Variants in DOCK8 observed in about 807,000 individuals in gnomAD.
The protein encoded by DOCK8 is dedicator of cytokinesis protein 8.
A neutral mutation model predicts 245.6 loss-of-function variants in DOCK8; 141 were observed. That is an observed-to-expected ratio of 0.57 (90% confidence interval 0.50 to 0.66). The LOEUF is 0.66. DOCK8 is among the 30% of genes least tolerant of loss of function. DOCK8 has a pLI of 0.00. For missense variants in DOCK8, 2,965 were observed against 2,603.4 expected (o/e 1.14, Z -3.02); for synonymous variants, 1,168 against 970.2 (o/e 1.20, Z -3.79).
chr9:459,147 T>A (rs2057730341), intron 46 of DOCK8, among the ~76,000 whole-genome samples: 1 of 152,340 alleles, frequency 6.6e-6, no homozygotes, highest in Non-Finnish European at 1.5e-5. Context: ...GTGGACCTAT[T>A]GAGAATGTTA....
intron 1 of DOCK8, among the ~76,000 whole-genome samples, chr9:218,882 G>A (rs540814461): frequency 1.7e-4 from 26 of 152,220 alleles, no homozygotes; most frequent in African/African-American, 5.8e-4. Flanking sequence ...TTTACATATC[G>A]TAACTCATTC....
chr9:445,133 A>T (rs1369275038), intron 43 of DOCK8, among the ~76,000 whole-genome samples: 1 of 152,212 alleles, frequency 6.6e-6, no homozygotes, highest in Non-Finnish European at 1.5e-5. Flanking sequence ...GAGTTTAACT[A>T]ATCTTCAGAC....
At chr9:395,589 C>A (rs980816827) in intron 24 of DOCK8, among the ~76,000 whole-genome samples, 2 of 151,828 alleles carry the variant, frequency 1.3e-5, no homozygotes, top group Non-Finnish European at 2.9e-5. Flanking sequence ...TCTGACTAAT[C>A]TAGACGCATA....
rs1320688451 is a variant in DOCK8, at chr9:403,956, A to G, written c.3235-962A>G. Among the ~76,000 whole-genome samples the G allele has an allele frequency of 2.2e-3, 171 of 78,592 alleles. 4 individuals are homozygous for G. Among genetic ancestry groups the G allele is most frequent in the African/African-American group, 0.013 (157 of 12,360 alleles). 51.6% of individuals were successfully genotyped at this position (78,592 alleles called of 152,430 possible). A position where few individuals can be genotyped will look rare whatever the true frequency, so the allele number is the denominator to read the frequency against. Reference sequence around the variant, plus strand: ...TGTATATATATATGTGTATATATATATATGTATATATATATATATGTGTAT... The same window carrying G: ...TGTATATATATATGTGTATATATATGTATGTATATATATATATATGTGTAT... On this transcript the variant is annotated intron_variant, in intron 26 of 47. Transcript: ENST00000432829.
chr9:403,967 T>TATATATAC (rs1373067256), intron 26 of DOCK8, among the ~76,000 whole-genome samples: 22 of 91,120 alleles, frequency 2.4e-4, no homozygotes, highest in African/African-American at 1.4e-3. Context: ...TATGTATATA[T>TATATATAC]ATATATATGT....
In DOCK8 at chr9:407,507, T is replaced by C. The variant is rs969574223; in HGVS notation, c.3530+438T>C. 2.6e-5 allele frequency among the ~76,000 whole-genome samples: 4 copies of C among 152,334 alleles called. No homozygotes were observed. In the East Asian group the frequency reaches 5.8e-4, roughly 22 times the overall value. On this transcript the variant is annotated intron_variant, in intron 28 of 47. Transcript: ENST00000432829. Reference sequence around the variant, plus strand: ...AGCTGTCCCATGCCCAGATTAGGTTTCTTGCAGACAGTGCTTCTCAGGCCA... The same window carrying C: ...AGCTGTCCCATGCCCAGATTAGGTTCCTTGCAGACAGTGCTTCTCAGGCCA...
rs1259539191 is a variant in DOCK8, at chr9:409,378, C to T, written c.3530+2309C>T. Among the ~76,000 whole-genome samples, 4 of 152,172 alleles carry T rather than the reference C, an allele frequency of 2.6e-5. No individual in the cohort carries two copies. In the East Asian group the frequency reaches 7.7e-4, roughly 29 times the overall value. On this transcript the variant is annotated intron_variant, in intron 28 of 47. Transcript: ENST00000432829. ...TTGCAATGCCTAATTCAAAACACAA[C>T]CCATTGCCGGGACCACAGACTAAGA...
chr9:270,285 C>T (rs1385206666), intron 1 of DOCK8, among the ~76,000 whole-genome samples: 3 of 152,212 alleles, frequency 2.0e-5, no homozygotes, highest in Non-Finnish European at 2.9e-5. Context: ...TAACGGGCCA[C>T]CACTAGGATG....
intron 25 of DOCK8, among the ~76,000 whole-genome samples, chr9:397,160 A>T (rs1238896692): frequency 6.6e-6 from 1 of 152,054 alleles, no homozygotes; most frequent in African/African-American, 2.4e-5. Context: ...CCTGGCCAAC[A>T]TGGTGACATG....
chr9:258,641 A>G (rs191683424), intron 1 of DOCK8, among the ~76,000 whole-genome samples: 1,985 of 119,892 alleles, frequency 0.017, 22 homozygotes, highest in Middle Eastern at 0.049. Context: ...TCTGTTGCCC[A>G]GGCTGGGGTA....
At chr9:401,313 G>A (rs183764541) in intron 26 of DOCK8, among the ~76,000 whole-genome samples, 26 of 152,250 alleles carry the variant, frequency 1.7e-4, no homozygotes, top group Admixed American at 8.5e-4. Context: ...ACATAAGAGC[G>A]GAAGCCCCTC....
intron 42 of DOCK8, 109 bp downstream of exon 42, chr9:442,118 C>T: frequency 6.7e-7 from 1 of 1,485,728 alleles, no homozygotes; most frequent in Non-Finnish European, 9.2e-7. Context: ...CATCATTGAT[C>T]TCTACATAAA....
intron 30 of DOCK8, among the ~76,000 whole-genome samples, chr9:419,118 C>G (rs2056165526): frequency 6.6e-6 from 1 of 152,234 alleles, no homozygotes; most frequent in Admixed American, 6.5e-5. Flanking sequence ...GAAGACAGCA[C>G]TGCATCCTCC....
intron 3 of DOCK8, 108 bp downstream of exon 3, chr9:286,744 C>T (rs2048840436): frequency 9.4e-7 from 1 of 1,064,290 alleles, no homozygotes; most frequent in Admixed American, 1.9e-5. Flanking sequence ...AATAAAATTA[C>T]TCAATCCATT....
intron 33 of DOCK8, among the ~76,000 whole-genome samples, chr9:426,347 C>T (rs552027577): frequency 6.6e-6 from 1 of 152,318 alleles, no homozygotes; most frequent in South Asian, 2.1e-4. Flanking sequence ...ACGCACTTGG[C>T]TGAGCAACCT....
At chr9:303,218 G>A (rs889409621) in intron 4 of DOCK8, among the ~76,000 whole-genome samples, 1 of 151,210 alleles carries the variant, frequency 6.6e-6, no homozygotes, top group African/African-American at 2.4e-5. Flanking sequence ...ACTATGGAAT[G>A]CAGTGTGAAG....
chr9:322,989 A>G (rs561504784), intron 7 of DOCK8, among the ~76,000 whole-genome samples: 1 of 151,312 alleles, frequency 6.6e-6, no homozygotes, highest in South Asian at 2.1e-4. Context: ...GCTGCTAGGG[A>G]GGCTGAGGCC....
intron 2 of DOCK8, among the ~76,000 whole-genome samples, chr9:282,238 A>G (rs1185124708): frequency 1.3e-5 from 2 of 152,104 alleles, no homozygotes; most frequent in African/African-American, 2.4e-5. Flanking sequence ...TCAGGAGCTC[A>G]GTATGCCCTA....
chr9:411,756 T>A (rs1466292360), intron 28 of DOCK8, among the ~76,000 whole-genome samples: 1 of 152,180 alleles, frequency 6.6e-6, no homozygotes, highest in African/African-American at 2.4e-5. Flanking sequence ...TAAGTAGGAT[T>A]TATCTCAGGA....
Sources: gnomAD v4.1 joint callset for allele counts (sites outside exome capture counted in the v4.1 genomes callset) on GRCh38, gnomAD v4.1.1 for gene constraint, MANE v1.5 for transcripts, NCBI Gene and HGNC (gene_info 2026-07-23, HGNC 2026-07-21) for gene names.